Variants in CBFA2T2 observed in about 807,000 individuals in gnomAD.
CBFA2T2 encodes the protein protein CBFA2T2.
In CBFA2T2, 11 loss-of-function variants were observed where a neutral mutation model predicts 62.2. The ratio of observed to expected loss-of-function variants is 0.18; its 90% CI spans 0.11 to 0.29. The LOEUF is 0.29. Among genes scored for constraint, CBFA2T2 ranks in the 10% least tolerant of loss-of-function variants. The pLI, the probability that CBFA2T2 is intolerant of heterozygous loss-of-function variation, is 1.00. For synonymous variants in CBFA2T2, 295 were observed against 287.5 expected (o/e 1.03, Z -0.27); for missense variants, 592 against 774.1 (o/e 0.76, Z 2.79).
At chr20:33,607,182 A>G (rs2015374423) in intron 2 of CBFA2T2, 83 bp downstream of exon 2, 9 of 1,279,506 alleles carry the variant, frequency 7.0e-6, no homozygotes, top group Non-Finnish European at 7.5e-6. Context: ...CGTTCCACAT[A>G]TATTATTCAG....
intron 1 of CBFA2T2, among the ~76,000 whole-genome samples, chr20:33,549,612 C>G (rs1244145008): frequency 1.3e-5 from 2 of 152,110 alleles, no homozygotes; most frequent in Admixed American, 1.3e-4. Context: ...CATGAGGGAT[C>G]TTTTAGGGGT....
chr20:33,584,583 A>AT (rs1417245106), intron 1 of CBFA2T2, among the ~76,000 whole-genome samples: 3 of 151,954 alleles, frequency 2.0e-5, no homozygotes, highest in Non-Finnish European at 4.4e-5. Context: ...AGAGTTTAAG[A>AT]TTTTTCCCTC....
intron 10 of CBFA2T2, among the ~76,000 whole-genome samples, chr20:33,642,114 TTTTGTGTGTGTG>T (rs760894873): frequency 0.16 from 9,893 of 62,812 alleles, 467 homozygotes; most frequent in East Asian, 0.25. Context: ...TCTTTTTTTT[TTTTGTGTGTGTG>T]TGTGTGTGTG....
chr20:33,573,322 G>A (rs1186078421), intron 1 of CBFA2T2, among the ~76,000 whole-genome samples: 1 of 151,868 alleles, frequency 6.6e-6, no homozygotes, highest in East Asian at 1.9e-4. Context: ...GAAAGGGAAA[G>A]GGTTTAAGGA....
At chr20:33,596,398 A>T (rs573229966) in intron 1 of CBFA2T2, among the ~76,000 whole-genome samples, 2 of 152,368 alleles carry the variant, frequency 1.3e-5, no homozygotes, top group African/African-American at 4.8e-5. Context: ...AAGGCATTTT[A>T]TTAATCACTG....
rs1430493712 is a variant in CBFA2T2 at position 33,644,343 on chromosome 20, G to A, written c.1489-4G>A. ...AACCACTAACTGATGCCTGTGTCTTGCAGAACTGCTGGAACTGTGGCCGCA... is the reference window on the plus strand; with the variant it reads ...AACCACTAACTGATGCCTGTGTCTTACAGAACTGCTGGAACTGTGGCCGCA... On this transcript the variant is annotated splice_region_variant and splice_polypyrimidine_tract_variant and intron_variant, in intron 10 of 10. Coordinates refer to ENST00000342704, the MANE Select transcript of CBFA2T2 (RefSeq NM_001032999.3). 1.2e-6 allele frequency: 2 copies of A among 1,606,770 alleles called. No individual in the cohort carries two copies. The highest frequency in any genetic ancestry group is 1.1e-5 in the South Asian group (1 of 90,490).
At chr20:33,503,379 C>T (rs536579935) in intron 1 of CBFA2T2, among the ~76,000 whole-genome samples, 2 of 151,178 alleles carry the variant, frequency 1.3e-5, no homozygotes, top group South Asian at 2.1e-4. Flanking sequence ...CTCAGCCTCC[C>T]GACTAGCTGG....
rs1173617212 is a variant in CBFA2T2 at position 33,628,434 on chromosome 20, A to G, written c.1031A>G (p.His344Arg). 1.0e-5 allele frequency: 16 copies of G among 1,605,352 alleles called. No individual in the cohort carries two copies. Among genetic ancestry groups the G allele is most frequent in the Non-Finnish European group, 1.4e-5 (16 of 1,172,118 alleles). ...GCTGATGAATGGAAACATCTTGACC[A>G]TGTAAGAATCTTGTAGTGTGTAATG... ...EWADEWKHLD[H>R]ALNCIMEMVE... is the part of the protein sequence containing the mutation. The change falls in exon 7 of 11, where the codon CAT becomes CGT. Residue 344 changes from histidine (H) to arginine (R), a missense_variant and splice_region_variant. His to Arg is a conservative substitution (Grantham distance 29). Coordinates refer to ENST00000342704, the MANE Select transcript of CBFA2T2 (RefSeq NM_001032999.3).
rs749660941 is a variant in CBFA2T2, at chr20:33,644,823, C to T, written c.*177C>T. 3.0e-6 allele frequency: 2 copies of T among 666,902 alleles called. No individual in the cohort carries two copies. Among genetic ancestry groups the T allele is most frequent in the Non-Finnish European group, 4.9e-6 (2 of 404,690 alleles). The allele number at this position is 666,902 out of a possible 1,614,324, so 41.3% of individuals were successfully genotyped here. On this transcript the variant is annotated 3_prime_UTR_variant, in exon 11 of 11. Transcript: ENST00000342704. ...CACAGCCTCTCTGTGCACTTGCTGT[C>T]TGCGGAGCCAGTGTGCCATTCTCTG...
chr20:33,559,404 C>T (rs958820971), intron 1 of CBFA2T2, among the ~76,000 whole-genome samples: 1 of 151,978 alleles, frequency 6.6e-6, no homozygotes, highest in Non-Finnish European at 1.5e-5. Context: ...GAACTCCTGA[C>T]CTGAGGCGAT....
chr20:33,557,722 G>A (rs1309068438), intron 1 of CBFA2T2, among the ~76,000 whole-genome samples: 1 of 151,826 alleles, frequency 6.6e-6, no homozygotes, highest in African/African-American at 2.4e-5. Flanking sequence ...GCCCAAGCTG[G>A]TCTCAAACTC....
intron 1 of CBFA2T2, among the ~76,000 whole-genome samples, chr20:33,565,793 TTTCATAGCGAGGGTCCTTG>T (rs912621221): frequency 6.6e-6 from 1 of 152,320 alleles, no homozygotes; most frequent in African/African-American, 2.4e-5. Context: ...CCAAGCATAT[TTTCATAGCGAGGGTCCTTG>T]TTGGACTGGA....
chr20:33,581,616 T>C (rs2014118278), intron 1 of CBFA2T2, among the ~76,000 whole-genome samples: 1 of 152,188 alleles, frequency 6.6e-6, no homozygotes, highest in African/African-American at 2.4e-5. Flanking sequence ...GCTGTCACAC[T>C]GAATAATTGT....
At chr20:33,635,079 A>G (rs781768891) in intron 8 of CBFA2T2, among the ~76,000 whole-genome samples, 83 of 152,344 alleles carry the variant, frequency 5.4e-4, no homozygotes, top group Non-Finnish European at 1.0e-3. Flanking sequence ...ATAATTCCAA[A>G]AAATTACCAA....
At chr20:33,495,969 T>TG (rs529632303) in intron 1 of CBFA2T2, among the ~76,000 whole-genome samples, 210 of 152,310 alleles carry the variant, frequency 1.4e-3, no homozygotes, top group African/African-American at 4.8e-3. Context: ...TGGTTGTTAG[T>TG]GGCTGAGGGT....
intron 1 of CBFA2T2, among the ~76,000 whole-genome samples, chr20:33,527,147 A>G (rs981190600): frequency 6.6e-6 from 1 of 152,094 alleles, no homozygotes; most frequent in African/African-American, 2.4e-5. Flanking sequence ...GTTCTTCTTA[A>G]TCTCTTAATT....
intron 1 of CBFA2T2, among the ~76,000 whole-genome samples, chr20:33,530,248 G>A (rs1200186014): frequency 6.6e-6 from 1 of 152,034 alleles, no homozygotes; most frequent in East Asian, 1.9e-4. Context: ...TTTGTATCTT[G>A]TTCAATCTCT....
In CBFA2T2 at chr20:33,606,963, T is replaced by C. The variant is rs1196948262; in HGVS notation, c.42T>C (p.Pro14=). The C allele has an allele frequency of 8.1e-6, 13 of 1,613,632 alleles. No homozygotes were observed. Among genetic ancestry groups the C allele is most frequent in the African/African-American group, 1.3e-5 (1 of 75,030 alleles). Residue 14 remains proline (P), a synonymous_variant, in exon 2 of 11, where the codon CCT becomes CCC. Coordinates refer to ENST00000342704, the MANE Select transcript of CBFA2T2 (RefSeq NM_001032999.3). ...TTCTCTGATTCTCTGCAGTTGGTCCTGAGAAAAGGGTGCCAGCGATGCCTG... is the reference window on the plus strand; with the variant it reads ...TTCTCTGATTCTCTGCAGTTGGTCCCGAGAAAAGGGTGCCAGCGATGCCTG... ...VPGAAAFQLG[P]EKRVPAMPGS...
chr20:33,617,419 T>G lies in CBFA2T2; in HGVS notation c.421-2098T>G, dbSNP rs139022644. Among the ~76,000 whole-genome samples, 72 of 152,338 alleles carry G rather than the reference T, an allele frequency of 4.7e-4. No individual in the cohort carries two copies. In the East Asian group the frequency reaches 0.013, roughly 27 times the overall value. On this transcript the variant is annotated intron_variant, in intron 3 of 10. Coordinates refer to ENST00000342704, the MANE Select transcript of CBFA2T2 (RefSeq NM_001032999.3). ...ATAAAATAAGGTTTTATAAACTAGC[T>G]GAAGGAGGAAGGTGTTTATCCCTCT...
Sources: allele counts gnomAD v4.1 joint callset (sites outside exome capture counted in the v4.1 genomes callset), GRCh38; gene constraint gnomAD v4.1.1; transcripts MANE v1.5; gene names NCBI Gene and HGNC (gene_info 2026-07-23, HGNC 2026-07-21).